VWC2: variants seen among roughly 807,000 people sequenced by gnomAD.
VWC2 encodes brorin.
VWC2 carries 14 observed loss-of-function variants against 29.8 expected under a neutral mutation model. The observed-to-expected ratio is 0.47, with a 90% CI of 0.31 to 0.74. VWC2 has a LOEUF of 0.74. Ranked by LOEUF, VWC2 falls within the 30% of genes least tolerant of loss-of-function variation. VWC2 has a pLI of 0.05. For synonymous variants in VWC2, 213 were observed against 199.0 expected (o/e 1.07, Z -0.59); for missense variants, 457 against 459.8 (o/e 0.99, Z 0.05).
chr7:49,776,741 G>C (rs917356320), intron 2 of VWC2, among the ~76,000 whole-genome samples: 7 of 152,084 alleles, frequency 4.6e-5, no homozygotes, highest in African/African-American at 1.7e-4. Flanking sequence ...TAATAATACC[G>C]GCCATCTCTC....
intron 3 of VWC2, among the ~76,000 whole-genome samples, chr7:49,815,603 G>C (rs752667571): frequency 1.3e-5 from 2 of 152,002 alleles, no homozygotes; most frequent in Non-Finnish European, 2.9e-5. Flanking sequence ...CTACCTTATT[G>C]GCAAAATAAT....
chr7:49,808,654 A>G (rs1788929885), intron 3 of VWC2, among the ~76,000 whole-genome samples: 1 of 152,078 alleles, frequency 6.6e-6, no homozygotes, highest in South Asian at 2.1e-4. Context: ...AATTTAAAGG[A>G]CTTAATCATA....
intron 2 of VWC2, among the ~76,000 whole-genome samples, chr7:49,796,234 T>C (rs1311067907): frequency 1.3e-5 from 2 of 152,224 alleles, no homozygotes; most frequent in Non-Finnish European, 2.9e-5. Context: ...ACTTTCTTTC[T>C]TCTCTATGTT....
At chr7:49,783,255 GC>G (rs1788216946) in intron 2 of VWC2, among the ~76,000 whole-genome samples, 1 of 152,156 alleles carries the variant, frequency 6.6e-6, no homozygotes, top group East Asian at 1.9e-4. Context: ...GAAGTAAATG[GC>G]CCCCTCCAGG....
Position 49,775,535 on chromosome 7 carries a change from G to A in VWC2, c.100G>A (p.Glu34Lys). The A allele has an allele frequency of 4.5e-6, 7 of 1,571,276 alleles. No individual in the cohort carries two copies. Among genetic ancestry groups the A allele is most frequent in the Non-Finnish European group, 6.0e-6 (7 of 1,162,730 alleles). The change falls in exon 2 of 4, where the codon GAG (glutamate) becomes AAG (lysine). Residue 34 changes from glutamate to lysine, a missense_variant. Transcript: ENST00000340652. Reference protein sequence around the residue: ...VALCSPSIPLEKLAQAPEQPG... With the variant: ...VALCSPSIPLKKLAQAPEQPG... ...TCTGTGCAGTCCGAGCATCCCGCTG[G>A]AGAAGCTGGCCCAGGCACCAGAGCA...
intron 3 of VWC2, among the ~76,000 whole-genome samples, chr7:49,866,048 G>T (rs1376194613): frequency 6.6e-6 from 1 of 152,008 alleles, no homozygotes; most frequent in Admixed American, 6.6e-5. Flanking sequence ...CTTCCTTTGA[G>T]AATCTTTTGC....
intron 3 of VWC2, among the ~76,000 whole-genome samples, chr7:49,808,795 A>G (rs569317292): frequency 6.6e-6 from 1 of 152,196 alleles, no homozygotes; most frequent in East Asian, 1.9e-4. Flanking sequence ...GGGCCAATGA[A>G]GAAATCTGAG....
At chr7:49,827,129 A>G (rs987400094) in intron 3 of VWC2, among the ~76,000 whole-genome samples, 9 of 152,144 alleles carry the variant, frequency 5.9e-5, no homozygotes, top group African/African-American at 1.9e-4. Context: ...CTTGCTTTGT[A>G]TGATTTTGTA....
downstream of VWC2, chr7:49,921,966 G>A (rs1264438810): frequency 6.6e-6 from 1 of 152,032 alleles, no homozygotes; most frequent in African/African-American, 2.4e-5. Flanking sequence ...GCACTTCCAG[G>A]TAGAGTCACA....
At chr7:49,887,754 A>G (rs1791962495) in intron 3 of VWC2, among the ~76,000 whole-genome samples, 1 of 152,166 alleles carries the variant, frequency 6.6e-6, no homozygotes, top group African/African-American at 2.4e-5. Flanking sequence ...TCTATACAAC[A>G]CCACACCAAC....
intron 3 of VWC2, among the ~76,000 whole-genome samples, chr7:49,889,758 GATTAACATATTTTGAATATATTCT>G (rs1298432748): frequency 6.6e-6 from 1 of 152,056 alleles, no homozygotes; most frequent in Non-Finnish European, 1.5e-5. Context: ...CAACAAACCT[GATTAACATATTTTGAATATATTCT>G]ATTTGAATTC....
chr7:49,844,536 T>G (rs112745222), intron 3 of VWC2, among the ~76,000 whole-genome samples: 3 of 152,188 alleles, frequency 2.0e-5, no homozygotes, highest in African/African-American at 7.2e-5. Context: ...TTTCTGCTTA[T>G]TAATGGGCCA....
At chr7:49,804,642 A>T (rs1330668552) in intron 3 of VWC2, among the ~76,000 whole-genome samples, 2 of 151,680 alleles carry the variant, frequency 1.3e-5, no homozygotes, top group African/African-American at 4.8e-5. Flanking sequence ...CAACCCCTGG[A>T]TTTTTTTTTC....
intron 3 of VWC2, among the ~76,000 whole-genome samples, chr7:49,875,080 A>G (rs962038484): frequency 1.3e-5 from 2 of 152,106 alleles, no homozygotes; most frequent in African/African-American, 4.8e-5. Flanking sequence ...CATAAATAAT[A>G]GTAAAAATTG....
chr7:49,863,537 T>A (rs1790752701), intron 3 of VWC2, among the ~76,000 whole-genome samples: 1 of 152,136 alleles, frequency 6.6e-6, no homozygotes, highest in African/African-American at 2.4e-5. Context: ...GCTCAAGCGA[T>A]CCTCCTGCCT....
At chr7:49,790,845 G>T (rs1788450354) in intron 2 of VWC2, among the ~76,000 whole-genome samples, 1 of 152,010 alleles carries the variant, frequency 6.6e-6, no homozygotes, top group Non-Finnish European at 1.5e-5. Context: ...AAGGACGGGG[G>T]AGAGGTTTAG....
At chr7:49,810,102 T>C (rs1788972547) in intron 3 of VWC2, among the ~76,000 whole-genome samples, 1 of 151,902 alleles carries the variant, frequency 6.6e-6, no homozygotes, top group African/African-American at 2.4e-5. Context: ...TGCTCCTGTA[T>C]GTGAAAATAC....
intron 3 of VWC2, among the ~76,000 whole-genome samples, chr7:49,877,481 A>AT (rs1554338250): frequency 2.4e-4 from 3 of 12,726 alleles, no homozygotes; most frequent in Non-Finnish European, 4.3e-4. Flanking sequence ...AAAAAAAAAA[A>AT]ATATATATAT....
At chr7:49,893,381 A>G (rs990890498) in intron 3 of VWC2, among the ~76,000 whole-genome samples, 9 of 152,218 alleles carry the variant, frequency 5.9e-5, no homozygotes, top group African/African-American at 1.9e-4. Context: ...TTGGCAGGAT[A>G]GTTTTCAAGC....
Sources: gnomAD v4.1 joint callset for allele counts (sites outside exome capture counted in the v4.1 genomes callset) on GRCh38, gnomAD v4.1.1 for gene constraint, MANE v1.5 for transcripts, NCBI Gene and HGNC (gene_info 2026-07-23, HGNC 2026-07-21) for gene names.